IP6K3: variants seen among roughly 807,000 people sequenced by gnomAD.
IP6K3 encodes inositol hexakisphosphate kinase 3, also known as ATP:1D-myo-inositol-hexakisphosphate phosphotransferase.
A neutral mutation model predicts 28.8 loss-of-function variants in IP6K3; 20 were observed. That is an observed-to-expected ratio of 0.70 (90% CI 0.49 to 1.01). The LOEUF is 1.01. Ranked by LOEUF, IP6K3 falls within the 50% of genes least tolerant of loss-of-function variation. The probability of loss-of-function intolerance (pLI) is 0.00; values close to 1 mark genes in which losing one functional copy is unlikely to be tolerated. For synonymous variants in IP6K3, 213 were observed against 221.3 expected (o/e 0.96, Z 0.33); for missense variants, 480 against 537.1 (o/e 0.89, Z 1.05).
chr6:33,726,630 G>C (rs1207118544), intron 4 of IP6K3, 101 bp downstream of exon 4: 2 of 1,208,384 alleles, frequency 1.7e-6, no homozygotes, highest in Non-Finnish European at 2.3e-6. Context: ...ACCCTCCATT[G>C]GCCCCGTGTT....
chr6:33,747,952 G>A (rs1766958143), upstream of IP6K3, among the ~76,000 whole-genome samples: 1 of 152,078 alleles, frequency 6.6e-6, no homozygotes, highest in Non-Finnish European at 1.5e-5. The surrounding 1 kb of genome is among the most constrained non-coding windows in gnomAD (Gnocchi z 5.2). Flanking sequence ...TGGTGGACCG[G>A]GAGAGAGGGG....
rs1024286087 is a variant in IP6K3, at chr6:33,734,532, T to C, written c.199+746A>G. Among the ~76,000 whole-genome samples, 4 of 152,268 alleles carry C rather than the reference T, an allele frequency of 2.6e-5. No homozygotes were observed. In the East Asian group the frequency reaches 7.7e-4, roughly 29 times the overall value. On this transcript the variant is annotated intron_variant, in intron 2 of 5. Transcript: ENST00000293756. ...CCGTCCTCTAAAGAGGTTATTTCTC[T>C]GAGCACTCACCTCACTGCTGGGCCG...
chr6:33,737,293 T>G (rs1766560891), intron 1 of IP6K3, among the ~76,000 whole-genome samples: 1 of 152,040 alleles, frequency 6.6e-6, no homozygotes, highest in Non-Finnish European at 1.5e-5. Flanking sequence ...CTGTTCGTCC[T>G]GTCCTGAGAG....
chr6:33,744,989 C>T lies in IP6K3; in HGVS notation c.-180+1769G>A, dbSNP rs1464022967. On this transcript the variant is annotated intron_variant, in intron 1 of 5. Transcript: ENST00000293756. The surrounding 1 kb of genome is among the most constrained non-coding windows in gnomAD (Gnocchi z 4.4). Reference sequence around the variant, plus strand: ...GTCCATCCCGCCCAGGCTGTGGCACCCTGGTGGGTGGGTGAGGCCTCTCAG... The same window carrying T: ...GTCCATCCCGCCCAGGCTGTGGCACTCTGGTGGGTGGGTGAGGCCTCTCAG... Among the ~76,000 whole-genome samples, 1 of 152,218 alleles carries T rather than the reference C, an allele frequency of 6.6e-6. No individual in the cohort carries two copies. The highest frequency in any genetic ancestry group is 2.4e-5 in the African/African-American group (1 of 41,458).
intron 1 of IP6K3, among the ~76,000 whole-genome samples, chr6:33,741,700 C>T: frequency 1.0e-5 from 1 of 96,434 alleles, no homozygotes; most frequent in African/African-American, 2.7e-5. Flanking sequence ...GCCTGTAATC[C>T]CAGCACTTTG....
At chr6:33,751,153 G>A (rs952913945), upstream of IP6K3, among the ~76,000 whole-genome samples, 15 of 152,250 alleles carry the variant, frequency 9.9e-5, no homozygotes, top group Admixed American at 2.0e-4. This position sits in a 1 kb window ranked among gnomAD's most constrained non-coding sequence, Gnocchi z 4.3. Flanking sequence ...GTGGCTAGGC[G>A]GCTTGTGGCT....
rs1462076282 is a variant in IP6K3, at chr6:33,737,971, A to T, written c.-179-2316T>A. On this transcript the variant is annotated intron_variant, in intron 1 of 5. Transcript: ENST00000293756. ...CAGAGGAAAATTGGCCCACAAAAAAAGCTGATAACTTCAGTTTGCTAACCC... is the reference window on the plus strand; with the variant it reads ...CAGAGGAAAATTGGCCCACAAAAAATGCTGATAACTTCAGTTTGCTAACCC... Among the ~76,000 whole-genome samples, 3 of 152,248 alleles carry T rather than the reference A, an allele frequency of 2.0e-5. No individual in the cohort carries two copies. In the East Asian group the frequency reaches 5.8e-4, roughly 29 times the overall value.
chr6:33,722,646 G>T lies in IP6K3; in HGVS notation c.*74C>A. ...TTATGAAGACATCTAAGGGGTGTCTGGACTACCCTAGCAACCAACAGGTCT... is the reference window on the plus strand; with the variant it reads ...TTATGAAGACATCTAAGGGGTGTCTTGACTACCCTAGCAACCAACAGGTCT... On this transcript the variant is annotated 3_prime_UTR_variant, in exon 6 of 6. Transcript: ENST00000293756. The T allele has an allele frequency of 9.8e-7, 1 of 1,016,418 alleles. No individual in the cohort carries two copies. Among genetic ancestry groups the T allele is most frequent in the Non-Finnish European group, 1.5e-6 (1 of 672,038 alleles). The allele number at this position is 1,016,418 out of a possible 1,614,324, so 63.0% of individuals were successfully genotyped here.
chr6:33,722,944 C>G lies in IP6K3; in HGVS notation c.1009G>C (p.Glu337Gln). 6.2e-7 allele frequency: 1 copy of G among 1,613,942 alleles called. No individual in the cohort carries two copies. Reference sequence around the variant, plus strand: ...GGATGCGGGCTGCCTGGGGCTCTTTCTGGTGGTTCCTGCCCATCATAGATG... The same window carrying G: ...GGATGCGGGCTGCCTGGGGCTCTTTGTGGTGGTTCCTGCCCATCATAGATG... ...LVIYDGQEPP[E>Q]RAPGSPHPHE... The change falls in exon 6 of 6, where the codon GAA becomes CAA. Residue 337 changes from glutamate (E) to glutamine (Q), a missense_variant. Transcript: ENST00000293756.
At chr6:33,752,769 G>A in the IP6K3 span, among the ~76,000 whole-genome samples, 3 of 152,160 alleles carry the variant, frequency 2.0e-5, no homozygotes, top group Admixed American at 1.3e-4. Flanking sequence ...CCATTTCCTG[G>A]TGATGTGACT....
intron 4 of IP6K3, 85 bp downstream of exon 4, chr6:33,726,646 G>C: frequency 7.4e-7 from 1 of 1,353,074 alleles, no homozygotes; most frequent in South Asian, 1.4e-5. Flanking sequence ...GTGTTTGTGT[G>C]TGTTTCCTCT....
the IP6K3 span, among the ~76,000 whole-genome samples, chr6:33,758,886 A>C: frequency 6.6e-6 from 1 of 152,328 alleles, no homozygotes; most frequent in South Asian, 2.1e-4. Flanking sequence ...GGCGTGAACC[A>C]CTGTGCCCTG....
chr6:33,740,191 A>T (rs1392324193), intron 1 of IP6K3, among the ~76,000 whole-genome samples: 1 of 152,062 alleles, frequency 6.6e-6, no homozygotes, highest in African/African-American at 2.4e-5. Context: ...CTCCTTGGGG[A>T]GGCATAGGGG....
At chr6:33,761,785 A>G in the IP6K3 span, among the ~76,000 whole-genome samples, 1 of 151,972 alleles carries the variant, frequency 6.6e-6, no homozygotes, top group South Asian at 2.1e-4. Context: ...TGTCTGGCCG[A>G]GCCAGCTGGG....
upstream of IP6K3, among the ~76,000 whole-genome samples, chr6:33,751,620 G>C (rs2127370834): frequency 6.6e-6 from 1 of 152,120 alleles, no homozygotes; most frequent in African/African-American, 2.4e-5. This position sits in a 1 kb window ranked among gnomAD's most constrained non-coding sequence, Gnocchi z 4.3. Flanking sequence ...CCTGCCCTGA[G>C]CTCTTCACAC....
intron 1 of IP6K3, among the ~76,000 whole-genome samples, chr6:33,736,054 C>T (rs1361507345): frequency 6.6e-6 from 1 of 152,082 alleles, no homozygotes; most frequent in Non-Finnish European, 1.5e-5. Flanking sequence ...TTTGTAGAAA[C>T]GGGGTCTCAC....
chr6:33,754,947 G>C, the IP6K3 span, among the ~76,000 whole-genome samples: 2 of 152,230 alleles, frequency 1.3e-5, no homozygotes, highest in Non-Finnish European at 2.9e-5. Context: ...TGATTGCACA[G>C]ATGAGGAAAC....
chr6:33,726,668 C>A, intron 4 of IP6K3, 63 bp downstream of exon 4: 3 of 1,469,972 alleles, frequency 2.0e-6, no homozygotes, highest in Non-Finnish European at 2.8e-6. Flanking sequence ...CCCACCTCTG[C>A]CCCTCTGTGT....
intron 1 of IP6K3, among the ~76,000 whole-genome samples, chr6:33,740,284 C>G (rs775619784): frequency 6.6e-6 from 1 of 152,214 alleles, no homozygotes; most frequent in Non-Finnish European, 1.5e-5. Flanking sequence ...CCTGCCACCA[C>G]CAGGAAGTGG....
Sources: allele counts gnomAD v4.1 joint callset (sites outside exome capture counted in the v4.1 genomes callset), GRCh38; gene constraint gnomAD v4.1.1; non-coding constraint Gnocchi (gnomAD v3.1); transcripts MANE v1.5; gene names NCBI Gene and HGNC (gene_info 2026-07-23, HGNC 2026-07-21).